The following PLAA variants were observed in gnomAD, a reference collection of about 807,000 sequenced individuals.
PLAA encodes phospholipase A-2-activating protein.
PLAA carries 48 observed loss-of-function variants against 84.1 expected under a neutral mutation model. The observed-to-expected ratio is 0.57, with a 90% CI of 0.45 to 0.73. The LOEUF is 0.73. Ranked by LOEUF, PLAA falls within the 30% of genes least tolerant of loss-of-function variation. PLAA has a pLI of 0.00. For synonymous variants in PLAA, 392 were observed against 336.6 expected (o/e 1.16, Z -1.80); for missense variants, 903 against 954.7 (o/e 0.95, Z 0.71).
chr9:26,909,847 C>A (rs1563905412), intron 12 of PLAA, among the ~76,000 whole-genome samples: 1 of 152,156 alleles, frequency 6.6e-6, no homozygotes, highest in Non-Finnish European at 1.5e-5. Context: ...TAGTCTCGAA[C>A]TCCTGACCTT....
Position 26,926,507 on chromosome 9 carries a change from A to G in PLAA, c.619T>C (p.Ser207Pro). Residue 207 changes from serine to proline, a missense_variant, in exon 5 of 14, where the codon TCC becomes CCC. Coordinates refer to ENST00000397292, the MANE Select transcript of PLAA (RefSeq NM_001031689.3). ...LAILSETEFL[S>P]CANDASIRRW... ...CTAATACTAGCATCATTTGCACAGG[A>G]AAGAAATTCTGTTTCACTCAAAATT... 6.2e-7 allele frequency: 1 copy of G among 1,613,652 alleles called. No homozygotes were observed. The highest frequency in any genetic ancestry group is 8.5e-7 in the Non-Finnish European group (1 of 1,179,684).
At chr9:26,930,544 G>T (rs907878242) in intron 2 of PLAA, among the ~76,000 whole-genome samples, 1 of 151,844 alleles carries the variant, frequency 6.6e-6, no homozygotes, top group Admixed American at 6.6e-5. Flanking sequence ...TGAACATGTA[G>T]GGTTAATGAG....
chr9:26,931,447 A>C (rs946216372), intron 2 of PLAA, among the ~76,000 whole-genome samples: 1 of 152,216 alleles, frequency 6.6e-6, no homozygotes. Context: ...GAACTTTATA[A>C]TGAAAGAAAG....
chr9:26,934,002 T>A (rs988415592), intron 2 of PLAA, among the ~76,000 whole-genome samples: 4 of 151,886 alleles, frequency 2.6e-5, no homozygotes, highest in Admixed American at 6.6e-5. Context: ...AGAGATGGAG[T>A]CTTCCTATGT....
At chr9:26,913,759 G>A (rs987398387) in intron 11 of PLAA, 120 bp downstream of exon 11, 6 of 646,522 alleles carry the variant, frequency 9.3e-6, no homozygotes, top group South Asian at 6.4e-5. Flanking sequence ...GTTTGGTCTC[G>A]ATTTACTATA....
chr9:26,910,937 T>C (rs1253596969), intron 11 of PLAA, among the ~76,000 whole-genome samples: 2 of 152,262 alleles, frequency 1.3e-5, no homozygotes, highest in African/African-American at 4.8e-5. Context: ...TTATGTCTTT[T>C]ACTGCTTATT....
intron 1 of PLAA, among the ~76,000 whole-genome samples, chr9:26,943,691 A>G (rs925076040): frequency 6.6e-6 from 1 of 152,144 alleles, no homozygotes; most frequent in African/African-American, 2.4e-5. Flanking sequence ...TCACACCTTT[A>G]ATCCCAACAC....
At position 26,947,220 on chromosome 9, in the gene PLAA, G is replaced by T. The variant is rs1825765190; in HGVS notation, c.-175C>A. The T allele has an allele frequency of 1.2e-5, 8 of 679,906 alleles. No homozygotes were observed. Among genetic ancestry groups the T allele is most frequent in the Middle Eastern group, 4.1e-4 (1 of 2,422 alleles). The allele number at this position is 679,906 out of a possible 1,614,324, so 42.1% of individuals were successfully genotyped here. A position where few individuals can be genotyped will look rare whatever the true frequency, so the allele number is the denominator to read the frequency against. On this transcript the variant is annotated 5_prime_UTR_variant, in exon 1 of 14. Transcript: ENST00000397292. ...GCGGCTGGGAAGGGGCGCGCCGAGC[G>T]GGCCGAGTGACACAGCAAGCCTGAC...
intron 11 of PLAA, among the ~76,000 whole-genome samples, chr9:26,911,983 T>A (rs907219545): frequency 6.6e-6 from 1 of 152,188 alleles, no homozygotes; most frequent in Non-Finnish European, 1.5e-5. Context: ...ATTGCCTGCA[T>A]TCTTGGTCAT....
At chr9:26,923,518 T>C (rs1824841652) in intron 6 of PLAA, among the ~76,000 whole-genome samples, 171 bp from the exon 7 acceptor site, 1 of 152,372 alleles carries the variant, frequency 6.6e-6, no homozygotes, top group Middle Eastern at 3.4e-3. Context: ...GCTACTCTAT[T>C]ATGTCAACTA....
intron 2 of PLAA, among the ~76,000 whole-genome samples, chr9:26,929,824 G>A (rs1825110978): frequency 6.6e-6 from 1 of 152,166 alleles, no homozygotes; most frequent in Non-Finnish European, 1.5e-5. Context: ...ACTCAGAGGA[G>A]ACTTTTGGAT....
In PLAA at chr9:26,905,882, G is replaced by T; in HGVS notation, c.2017C>A (p.Gln673Lys). 6.2e-7 allele frequency: 1 copy of T among 1,614,084 alleles called. No individual in the cohort carries two copies. The highest frequency in any genetic ancestry group is 1.1e-5 in the South Asian group (1 of 91,082). Reference protein sequence around the residue: ...FCNCFVGQAGQKLMMSQRESL... With the variant: ...FCNCFVGQAGKKLMMSQRESL... The stretch of plus-strand genomic sequence containing the variant: ...TCCCTCTGGGACATCATGAGTTTTT[G>T]TCCTGCCTGGCCAACAAAACAATTG... Residue 673 changes from glutamine to lysine, a missense_variant, in exon 14 of 14, where the codon CAA becomes AAA. Transcript: ENST00000397292.
chr9:26,917,247 A>G (rs934520668), intron 9 of PLAA, 82 bp from the exon 10 acceptor site: 4 of 1,085,856 alleles, frequency 3.7e-6, no homozygotes, highest in Non-Finnish European at 4.2e-6. Flanking sequence ...TTTTAGAAGA[A>G]CCTACATTTG....
At chr9:26,913,814 T>C in intron 11 of PLAA, 65 bp downstream of exon 11, 2 of 1,193,004 alleles carry the variant, frequency 1.7e-6, no homozygotes, top group Non-Finnish European at 2.4e-6. Context: ...TTCTTACTCT[T>C]TTTATTAAAG....
chr9:26,932,276 G>C (rs1239039093), intron 2 of PLAA, among the ~76,000 whole-genome samples: 4 of 152,174 alleles, frequency 2.6e-5, no homozygotes, highest in Admixed American at 2.0e-4. Flanking sequence ...TTTTGAGGAC[G>C]TGAGTGTCCT....
intron 13 of PLAA, among the ~76,000 whole-genome samples, chr9:26,906,412 C>CAGGGAAA (rs917250483): frequency 2.1e-5 from 3 of 145,296 alleles, no homozygotes; most frequent in African/African-American, 7.6e-5. Flanking sequence ...AACAATTAAA[C>CAGGGAAA]AGGGAAAGTT....
rs376697127 is a variant in PLAA at position 26,910,325 on chromosome 9, T to G, written c.1657+13A>C. On this transcript the variant is annotated intron_variant, in intron 12 of 13. Transcript: ENST00000397292. ...TCTGTGAATATGTGAATAAATTAAT[T>G]AAAGAAACTTACCTAATATTTGTGT... is the stretch of plus-strand genomic sequence containing the variant. 17 of 1,574,618 alleles carry G rather than the reference T, an allele frequency of 1.1e-5. No individual in the cohort carries two copies. The highest frequency in any genetic ancestry group is 1.3e-5 in the Non-Finnish European group (15 of 1,144,616).
Position 26,919,291 on chromosome 9 carries a change from A to T in PLAA, c.1417+19T>A, listed in dbSNP as rs527667422. 2.8e-4 allele frequency: 419 copies of T among 1,509,656 alleles called. 2 individuals carry two copies. The East Asian group carries it at 8.5e-3, about 31-fold the overall frequency. 93.5% of individuals were successfully genotyped at this position (1,509,656 alleles called of 1,614,324 possible). A position where few individuals can be genotyped will look rare whatever the true frequency, so the allele number is the denominator to read the frequency against. ...ACACTAATGGAACTACATAAGACTC[A>T]ATATAAACACTAACTTACCTGTAAA... On this transcript the variant is annotated intron_variant, in intron 9 of 13. Transcript: ENST00000397292.
At chr9:26,935,636 C>T (rs1825333796) in intron 1 of PLAA, among the ~76,000 whole-genome samples, 1 of 151,808 alleles carries the variant, frequency 6.6e-6, no homozygotes, top group Non-Finnish European at 1.5e-5. Context: ...CATTATGAAG[C>T]ATTGACTTAG....
Sources: allele counts gnomAD v4.1 joint callset (sites outside exome capture counted in the v4.1 genomes callset), GRCh38; gene constraint gnomAD v4.1.1; transcripts MANE v1.5; gene names NCBI Gene and HGNC (gene_info 2026-07-23, HGNC 2026-07-21).